The following LYPD6 variants were observed in gnomAD, a reference collection of about 807,000 sequenced individuals.
LYPD6 encodes the protein LY6/PLAUR domain containing 6, also known as ly6/PLAUR domain-containing protein 6.
A neutral mutation model predicts 22.7 loss-of-function variants in LYPD6; 15 were observed. The observed-to-expected ratio is 0.66, with a 90% CI of 0.44 to 1.02. LYPD6 has a LOEUF of 1.02. Ranked by LOEUF, LYPD6 falls within the 50% of genes least tolerant of loss-of-function variation. The probability of loss-of-function intolerance (pLI) is 0.00; values close to 1 mark genes in which losing one functional copy is unlikely to be tolerated. For missense variants in LYPD6, 189 were observed against 208.4 expected (o/e 0.91, Z 0.57); for synonymous variants, 72 against 77.5 (o/e 0.93, Z 0.37).
intron 1 of LYPD6, among the ~76,000 whole-genome samples, chr2:149,374,603 C>T (rs553132845): frequency 9.8e-5 from 15 of 152,292 alleles, no homozygotes; most frequent in African/African-American, 3.6e-4. Flanking sequence ...GTCTTAGGCT[C>T]TTAAGAGAAA....
chr2:149,445,165 A>G (rs1009927482), intron 2 of LYPD6, among the ~76,000 whole-genome samples: 6 of 152,156 alleles, frequency 3.9e-5, no homozygotes, highest in African/African-American at 1.4e-4. Context: ...ATTTTGAAAG[A>G]AATATTTTTT....
At chr2:149,375,068 A>C (rs1681887804) in intron 1 of LYPD6, among the ~76,000 whole-genome samples, 1 of 152,192 alleles carries the variant, frequency 6.6e-6, no homozygotes, top group Admixed American at 6.5e-5. Context: ...TCCATGATTC[A>C]TCAGAAGAGC....
At chr2:149,370,315 C>CCTGTGTTCCTGCTGTGGT (rs1262009061) in intron 1 of LYPD6, among the ~76,000 whole-genome samples, 2 of 152,044 alleles carry the variant, frequency 1.3e-5, no homozygotes, top group Non-Finnish European at 2.9e-5. Context: ...AGTAAATGCT[C>CCTGTGTTCCTGCTGTGGT]CTGTGTTCCT....
At chr2:149,414,296 T>G (rs1445238975) in intron 1 of LYPD6, among the ~76,000 whole-genome samples, 1 of 152,228 alleles carries the variant, frequency 6.6e-6, no homozygotes, top group African/African-American at 2.4e-5. Context: ...CTAATGTATT[T>G]TTAATACTCA....
At chr2:149,362,299 A>G (rs1364449898) in intron 1 of LYPD6, among the ~76,000 whole-genome samples, 1 of 152,200 alleles carries the variant, frequency 6.6e-6, no homozygotes, top group Non-Finnish European at 1.5e-5. Context: ...AACAAGAGAA[A>G]AGCATACAAA....
chr2:149,371,899 G>T (rs750005983), intron 1 of LYPD6, among the ~76,000 whole-genome samples: 6 of 151,922 alleles, frequency 3.9e-5, no homozygotes, highest in Non-Finnish European at 7.4e-5. Context: ...TGAGGGAGGG[G>T]TATTGGACCA....
intron 2 of LYPD6, among the ~76,000 whole-genome samples, chr2:149,448,117 A>T (rs1683727950): frequency 6.6e-6 from 1 of 152,140 alleles, no homozygotes; most frequent in Admixed American, 6.5e-5. Flanking sequence ...AACATGGTAA[A>T]ACTCCATCTC....
chr2:149,457,732 A>G (rs1209402076), intron 3 of LYPD6, among the ~76,000 whole-genome samples: 2 of 152,200 alleles, frequency 1.3e-5, no homozygotes, highest in East Asian at 3.9e-4. Flanking sequence ...GATGGAATGG[A>G]TGTACTTTTC....
At chr2:149,408,378 A>G (rs1052373347) in intron 1 of LYPD6, among the ~76,000 whole-genome samples, 23 of 152,214 alleles carry the variant, frequency 1.5e-4, no homozygotes, top group African/African-American at 4.6e-4. Flanking sequence ...GCTGAGGACT[A>G]TGTGCTTAGG....
chr2:149,344,556 A>G (rs1269118234), intron 1 of LYPD6, among the ~76,000 whole-genome samples: 1 of 152,246 alleles, frequency 6.6e-6, no homozygotes, highest in Non-Finnish European at 1.5e-5. Context: ...TGTAACATAA[A>G]GATGAAAAGA....
intron 2 of LYPD6, among the ~76,000 whole-genome samples, chr2:149,441,696 A>C (rs1683571202): frequency 6.6e-6 from 1 of 152,222 alleles, no homozygotes; most frequent in South Asian, 2.1e-4. Context: ...CTATGATTCA[A>C]ATACCAAATC....
chr2:149,394,961 A>G (rs1051692048), intron 1 of LYPD6, among the ~76,000 whole-genome samples: 21 of 152,336 alleles, frequency 1.4e-4, no homozygotes, highest in African/African-American at 4.8e-4. Flanking sequence ...GATATTCCAA[A>G]AAATGAGATT....
chr2:149,404,989 A>G (rs1187690857), intron 1 of LYPD6, among the ~76,000 whole-genome samples: 2 of 152,182 alleles, frequency 1.3e-5, no homozygotes, highest in African/African-American at 2.4e-5. Flanking sequence ...CTATTGAGAT[A>G]ATCATGTGGT....
chr2:149,359,949 C>T (rs1385062371), intron 1 of LYPD6, among the ~76,000 whole-genome samples: 5 of 152,228 alleles, frequency 3.3e-5, no homozygotes, highest in East Asian at 1.9e-4. Context: ...GGCAGAGCAG[C>T]GGCATGGGCT....
chr2:149,438,563 C>T (rs1190817857), intron 2 of LYPD6, among the ~76,000 whole-genome samples: 4 of 152,190 alleles, frequency 2.6e-5, no homozygotes, highest in African/African-American at 7.2e-5. Context: ...TTCTGACCTT[C>T]GGCTTTTGCC....
chr2:149,342,172 A>G (rs1180874934), intron 1 of LYPD6, among the ~76,000 whole-genome samples: 1 of 152,154 alleles, frequency 6.6e-6, no homozygotes, highest in African/African-American at 2.4e-5. Context: ...AAAGTTAGGT[A>G]TGATATTTTT....
chr2:149,443,585 T>C (rs1683615067), intron 2 of LYPD6, among the ~76,000 whole-genome samples: 1 of 152,230 alleles, frequency 6.6e-6, no homozygotes, highest in Non-Finnish European at 1.5e-5. Context: ...TGTTTATATA[T>C]TAAGTATTTT....
At chr2:149,448,779 A>C (rs1338415039) in intron 2 of LYPD6, among the ~76,000 whole-genome samples, 2 of 152,240 alleles carry the variant, frequency 1.3e-5, no homozygotes. Flanking sequence ...TCACCCACTG[A>C]AGGACATCGA....
chr2:149,411,974 A>C (rs867091759), intron 1 of LYPD6, among the ~76,000 whole-genome samples: 1 of 152,194 alleles, frequency 6.6e-6, no homozygotes, highest in African/African-American at 2.4e-5. Context: ...TGGTCTTCTT[A>C]TTAAAGTCTG....
Sources: allele counts gnomAD v4.1 joint callset (sites outside exome capture counted in the v4.1 genomes callset), GRCh38; gene constraint gnomAD v4.1.1; transcripts MANE v1.5; gene names NCBI Gene and HGNC (gene_info 2026-07-23, HGNC 2026-07-21).